Variants in RGS7 observed in about 807,000 individuals in gnomAD.
RGS7 encodes regulator of G protein signaling 7, also known as regulator of G-protein signaling 7.
In RGS7, 27 loss-of-function variants were observed where a neutral mutation model predicts 81.1. The ratio of observed to expected loss-of-function variants is 0.33; its 90% CI spans 0.25 to 0.46. The LOEUF is 0.46. Ranked by LOEUF, RGS7 falls within the 20% of genes least tolerant of loss-of-function variation. RGS7 has a pLI of 1.00. For synonymous variants in RGS7, 208 were observed against 207.7 expected (o/e 1.00, Z -0.01); for missense variants, 396 against 607.4 (o/e 0.65, Z 3.66).
chr1:241,050,113 A>G (rs1473053860), intron 3 of RGS7, among the ~76,000 whole-genome samples: 1 of 152,160 alleles, frequency 6.6e-6, no homozygotes, highest in Non-Finnish European at 1.5e-5. Context: ...ATTCTCGCAC[A>G]CACTGTTAGA....
chr1:240,860,740 C>T (rs763723801), intron 9 of RGS7, among the ~76,000 whole-genome samples: 3 of 152,136 alleles, frequency 2.0e-5, no homozygotes, highest in Admixed American at 6.5e-5. Context: ...TCTATGCCTT[C>T]CTCTAACAAA....
At chr1:240,956,954 T>A (rs1361818182) in intron 4 of RGS7, among the ~76,000 whole-genome samples, 1 of 152,180 alleles carries the variant, frequency 6.6e-6, no homozygotes, top group Non-Finnish European at 1.5e-5. Flanking sequence ...AAGAAAAGTT[T>A]GAGAAACTGT....
chr1:241,174,799 G>C (rs981364454), intron 2 of RGS7, among the ~76,000 whole-genome samples: 1 of 150,592 alleles, frequency 6.6e-6, no homozygotes, highest in South Asian at 2.1e-4. Flanking sequence ...GTGAGTGTAT[G>C]ATGAACACTT....
intron 3 of RGS7, among the ~76,000 whole-genome samples, chr1:241,083,293 A>AAAAAG (rs1553412750): frequency 2.1e-5 from 3 of 143,736 alleles, no homozygotes; most frequent in Non-Finnish European, 4.6e-5. Context: ...CAAGACAAAA[A>AAAAAG]AAAAGAAAAG....
intron 9 of RGS7, among the ~76,000 whole-genome samples, chr1:240,839,532 A>G (rs1695266935): frequency 6.6e-6 from 1 of 152,212 alleles, no homozygotes; most frequent in Admixed American, 6.5e-5. Flanking sequence ...CATAGAAGCC[A>G]ATTAAAGGGG....
At chr1:240,907,312 A>T (rs1161847189) in intron 6 of RGS7, among the ~76,000 whole-genome samples, 1 of 152,188 alleles carries the variant, frequency 6.6e-6, no homozygotes, top group East Asian at 1.9e-4. Flanking sequence ...TATAAATCTT[A>T]TAAATAAAAT....
chr1:240,908,509 C>T (rs1671223717), intron 6 of RGS7, among the ~76,000 whole-genome samples: 1 of 152,142 alleles, frequency 6.6e-6, no homozygotes, highest in Non-Finnish European at 1.5e-5. Context: ...CAACGTCTTT[C>T]CTATAGTTGT....
intron 2 of RGS7, among the ~76,000 whole-genome samples, chr1:241,323,461 C>T (rs1409828671): frequency 6.6e-6 from 1 of 152,226 alleles, no homozygotes; most frequent in Admixed American, 6.5e-5. Context: ...AGTAAATCTT[C>T]AGTCAGAATC....
chr1:241,145,239 A>G (rs535675841), intron 2 of RGS7, among the ~76,000 whole-genome samples: 1 of 151,392 alleles, frequency 6.6e-6, no homozygotes, highest in East Asian at 1.9e-4. Context: ...GCTGGTCTCG[A>G]CCTCCTGCCC....
At chr1:241,255,177 A>G (rs1358481909) in intron 2 of RGS7, among the ~76,000 whole-genome samples, 1 of 152,198 alleles carries the variant, frequency 6.6e-6, no homozygotes, top group Non-Finnish European at 1.5e-5. Context: ...TGAGTGATAA[A>G]TGTGAAATAG....
At chr1:241,284,359 A>G (rs918294007) in intron 2 of RGS7, among the ~76,000 whole-genome samples, 1 of 151,434 alleles carries the variant, frequency 6.6e-6, no homozygotes, top group South Asian at 2.1e-4. Context: ...GTTTTGCAAC[A>G]TGGCCTCCAA....
chr1:241,115,528 A>G (rs1379026449), intron 2 of RGS7, among the ~76,000 whole-genome samples: 2 of 152,218 alleles, frequency 1.3e-5, no homozygotes, highest in East Asian at 3.8e-4. Flanking sequence ...AGAATTCTCA[A>G]TAGGGGAAGA....
intron 4 of RGS7, among the ~76,000 whole-genome samples, chr1:240,972,551 T>TG (rs1558542075): frequency 4.3e-5 from 2 of 46,356 alleles, no homozygotes; most frequent in African/African-American, 1.8e-4. Flanking sequence ...TGTGGTGGGG[T>TG]GGGGGGAGGG....
intron 3 of RGS7, among the ~76,000 whole-genome samples, chr1:241,069,586 T>C (rs2062305386): frequency 6.6e-6 from 1 of 152,214 alleles, no homozygotes; most frequent in Admixed American, 6.5e-5. Flanking sequence ...GATAGTAGTA[T>C]AACACGCTTC....
chr1:240,973,804 T>A (rs1299427060), intron 4 of RGS7, among the ~76,000 whole-genome samples: 2 of 151,982 alleles, frequency 1.3e-5, no homozygotes, highest in Admixed American at 1.3e-4. Context: ...GTGGTCTCGA[T>A]CTCCTGACCT....
intron 10 of RGS7, among the ~76,000 whole-genome samples, chr1:240,821,290 T>G (rs1348350608): frequency 6.6e-6 from 1 of 152,016 alleles, no homozygotes; most frequent in Non-Finnish European, 1.5e-5. Context: ...CCATCTCTAC[T>G]AAAAATACAA....
Position 241,144,538 on chromosome 1 carries a change from T to TTAA in RGS7, c.79-45777_79-45776insTTA, listed in dbSNP as rs1332540486. Reference sequence around the variant, plus strand: ...TTCACTGAGCAGCATGGAGGCAGGGTGTTAACCTGCTGTGTGACTGCTTTC... The same window carrying TTAA: ...TTCACTGAGCAGCATGGAGGCAGGGTTAAGTTAACCTGCTGTGTGACTGCTTTC... On this transcript the variant is annotated intron_variant, in intron 2 of 18. Transcript: ENST00000440928. This position sits in a 1 kb window ranked among gnomAD's most constrained non-coding sequence, Gnocchi z 4.7. Among the ~76,000 whole-genome samples the TTAA allele has an allele frequency of 6.6e-6, 1 of 152,078 alleles. No individual in the cohort carries two copies. The highest frequency in any genetic ancestry group is 2.4e-5 in the African/African-American group (1 of 41,422).
chr1:241,330,297 G>C (rs1293818928), intron 2 of RGS7, among the ~76,000 whole-genome samples: 1 of 152,144 alleles, frequency 6.6e-6, no homozygotes, highest in Non-Finnish European at 1.5e-5. Flanking sequence ...GATATGACCT[G>C]CTATTAGTGG....
Position 240,930,780 on chromosome 1 carries a change from AAAG to A in RGS7, c.334-15_334-13del. Reference sequence around the variant, plus strand: ...CAAAAATAGGGGGTCTGCGGAATGAAAAGAAGTGGAACCCAGATTAGACAAATA... The same window carrying A: ...CAAAAATAGGGGGTCTGCGGAATGAAAAGTGGAACCCAGATTAGACAAATA... On this transcript the variant is annotated splice_polypyrimidine_tract_variant and intron_variant, in intron 5 of 18. Coordinates refer to ENST00000440928, the MANE Select transcript of RGS7 (RefSeq NM_001364886.1). 1.9e-6 allele frequency: 3 copies of A among 1,613,706 alleles called. No homozygotes were observed. Among genetic ancestry groups the A allele is most frequent in the Middle Eastern group, 1.7e-4 (1 of 6,060 alleles).
Sources: allele counts gnomAD v4.1 joint callset (sites outside exome capture counted in the v4.1 genomes callset), GRCh38; gene constraint gnomAD v4.1.1; non-coding constraint Gnocchi (gnomAD v3.1); transcripts MANE v1.5; gene names NCBI Gene and HGNC (gene_info 2026-07-23, HGNC 2026-07-21).